NEK11: variants seen among roughly 807,000 people sequenced by gnomAD.
The protein encoded by NEK11 is NIMA related kinase 11.
A neutral mutation model predicts 80.7 loss-of-function variants in NEK11; 72 were observed. The ratio of observed to expected loss-of-function variants is 0.89; its 90% confidence interval spans 0.74 to 1.08. The LOEUF is 1.08. NEK11 is among the 50% of genes least tolerant of loss of function. The pLI, the probability that NEK11 is intolerant of heterozygous loss-of-function variation, is 0.00. For missense variants in NEK11, 764 were observed against 763.6 expected (o/e 1.00, Z -0.01); for synonymous variants, 251 against 260.7 (o/e 0.96, Z 0.36).
chr3:131,113,767 C>T (rs748143814), intron 5 of NEK11, among the ~76,000 whole-genome samples: 19 of 151,800 alleles, frequency 1.3e-4, no homozygotes, highest in Non-Finnish European at 2.2e-4. Flanking sequence ...AAAAAATTAG[C>T]GAGGCATGGC....
chr3:131,252,434 G>C (rs1339581449), intron 16 of NEK11, among the ~76,000 whole-genome samples: 1 of 152,070 alleles, frequency 6.6e-6, no homozygotes, highest in East Asian at 1.9e-4. Flanking sequence ...TCGAAACCCT[G>C]AAAATGCTGT....
At chr3:131,223,421 T>A (rs1451106668) in intron 14 of NEK11, among the ~76,000 whole-genome samples, 1 of 152,130 alleles carries the variant, frequency 6.6e-6, no homozygotes, top group African/African-American at 2.4e-5. Context: ...GGAGGAAATC[T>A]TAGGTAGGAG....
At chr3:131,335,804 A>T (rs2097172447) in intron 17 of NEK11, among the ~76,000 whole-genome samples, 1 of 152,232 alleles carries the variant, frequency 6.6e-6, no homozygotes, top group South Asian at 2.1e-4. Flanking sequence ...AAAAATCACA[A>T]GCATTCTTAT....
intron 9 of NEK11, among the ~76,000 whole-genome samples, 200 bp downstream of exon 9, chr3:131,152,909 C>G (rs1313827288): frequency 1.3e-5 from 2 of 152,050 alleles, no homozygotes; most frequent in Non-Finnish European, 2.9e-5. Context: ...CATAGTGAAA[C>G]CCCGTCTCTA....
At chr3:131,243,580 T>G (rs565132121) in intron 16 of NEK11, 84 bp downstream of exon 16, 84 of 1,149,136 alleles carry the variant, frequency 7.3e-5, no homozygotes, top group African/African-American at 3.7e-4. Context: ...TACAGGTGTT[T>G]AAGTCTGATA....
intron 16 of NEK11, among the ~76,000 whole-genome samples, chr3:131,246,766 T>C (rs1469994540): frequency 6.6e-6 from 1 of 152,078 alleles, no homozygotes; most frequent in Non-Finnish European, 1.5e-5. Context: ...TGCATCCATG[T>C]CAATATCTAT....
At chr3:131,327,109 C>G (rs1582021814) in intron 17 of NEK11, 1 of 152,276 alleles carries the variant, frequency 6.6e-6, no homozygotes, top group African/African-American at 2.4e-5. Flanking sequence ...GAAATAAATT[C>G]TAATATTTAT....
intron 7 of NEK11, among the ~76,000 whole-genome samples, chr3:131,136,602 A>G (rs1021725615): frequency 6.6e-6 from 1 of 152,222 alleles, no homozygotes; most frequent in African/African-American, 2.4e-5. Context: ...ATGTTTGCCC[A>G]TATGTAACAT....
chr3:131,335,991 A>G (rs868768299), intron 17 of NEK11, among the ~76,000 whole-genome samples: 9 of 152,248 alleles, frequency 5.9e-5, no homozygotes, highest in Admixed American at 2.6e-4. Flanking sequence ...ATGGAAGAAC[A>G]TTCCATGCTC....
At chr3:131,258,439 G>C (rs2095855903) in intron 16 of NEK11, among the ~76,000 whole-genome samples, 1 of 152,158 alleles carries the variant, frequency 6.6e-6, no homozygotes, top group South Asian at 2.1e-4. Context: ...AGCAGGTTTT[G>C]TTTTTAAAGC....
At chr3:131,303,677 C>A (rs1205486081) in intron 17 of NEK11, among the ~76,000 whole-genome samples, 1 of 151,954 alleles carries the variant, frequency 6.6e-6, no homozygotes, top group Non-Finnish European at 1.5e-5. Flanking sequence ...GGATATAGGC[C>A]CCCTATGTCT....
At chr3:131,115,013 A>G (rs994514229) in intron 5 of NEK11, among the ~76,000 whole-genome samples, 1 of 152,218 alleles carries the variant, frequency 6.6e-6, no homozygotes, top group Admixed American at 6.5e-5. Context: ...GTAGATGCCC[A>G]GAATTACACA....
Position 131,044,967 on chromosome 3 carries a change from C to T in NEK11, c.170+15089C>T, listed in dbSNP as rs369304931. Among the ~76,000 whole-genome samples, 3 of 152,134 alleles carry T rather than the reference C, an allele frequency of 2.0e-5. No individual in the cohort carries two copies. The East Asian group carries it at 5.8e-4, about 29-fold the overall frequency. The stretch of plus-strand genomic sequence containing the variant: ...CAAATTAGAACTCAGGATTAAGAAA[C>T]TCACTCAAAACTGCCCAATTACGTG... On this transcript the variant is annotated intron_variant, in intron 3 of 17. Coordinates refer to ENST00000383366, the MANE Select transcript of NEK11 (RefSeq NM_024800.5).
chr3:131,208,247 G>C (rs962479355), intron 14 of NEK11, among the ~76,000 whole-genome samples: 12 of 152,034 alleles, frequency 7.9e-5, no homozygotes, highest in Admixed American at 5.2e-4. Context: ...TCTTGTTTTT[G>C]TCAGGTTTGT....
At chr3:131,324,307 A>G (rs145413173) in intron 17 of NEK11, among the ~76,000 whole-genome samples, 1 of 152,356 alleles carries the variant, frequency 6.6e-6, no homozygotes, top group East Asian at 1.9e-4. Context: ...GGTCAAGGAA[A>G]GAGTCCTTGT....
chr3:131,186,085 G>C (rs1350797643), intron 14 of NEK11, among the ~76,000 whole-genome samples: 2 of 152,156 alleles, frequency 1.3e-5, no homozygotes, highest in Non-Finnish European at 2.9e-5. Flanking sequence ...TACTAAAGGA[G>C]TACAATCAGT....
chr3:131,275,942 A>C (rs1428398899), intron 17 of NEK11, among the ~76,000 whole-genome samples: 1 of 152,232 alleles, frequency 6.6e-6, no homozygotes, highest in East Asian at 1.9e-4. Flanking sequence ...AAAAGTCCCC[A>C]AATAGGAGCA....
At chr3:131,156,204 A>G (rs2718874) in intron 10 of NEK11, among the ~76,000 whole-genome samples, 13,792 of 152,186 alleles carry the variant, frequency 0.091, 1,138 homozygotes, top group East Asian at 0.43. Context: ...TTCGAGATCT[A>G]TGACTATGTT....
chr3:131,131,016 G>A (rs2149570305), intron 5 of NEK11, among the ~76,000 whole-genome samples: 1 of 152,198 alleles, frequency 6.6e-6, no homozygotes. Context: ...TGGCCAGGCT[G>A]GTGTCGAACT....
Sources: gnomAD v4.1 joint callset for allele counts (sites outside exome capture counted in the v4.1 genomes callset) on GRCh38, gnomAD v4.1.1 for gene constraint, MANE v1.5 for transcripts, NCBI Gene and HGNC (gene_info 2026-07-23, HGNC 2026-07-21) for gene names.